The following DENND2B variants were observed in gnomAD, a reference collection of about 807,000 sequenced individuals.
DENND2B encodes the protein DENN domain-containing protein 2B.
In DENND2B, 32 loss-of-function variants were observed where a neutral mutation model predicts 116.0. The ratio of observed to expected loss-of-function variants is 0.28; its 90% CI spans 0.21 to 0.37. The LOEUF (loss-of-function observed/expected upper bound fraction) is 0.37. Among genes scored for constraint, DENND2B ranks in the 10% least tolerant of loss-of-function variants. The pLI, the probability that DENND2B is intolerant of heterozygous loss-of-function variation, is 1.00. For synonymous variants in DENND2B, 588 were observed against 583.9 expected (o/e 1.01, Z -0.10); for missense variants, 1,276 against 1,477.7 (o/e 0.86, Z 2.24).
chr11:8,750,769 C>A, intron 1 of DENND2B, 44 bp from the exon 2 acceptor site: 1 of 1,577,002 alleles, frequency 6.3e-7, no homozygotes. Context: ...CTATAGGCAG[C>A]CAAAAGCACC....
intron 1 of DENND2B, among the ~76,000 whole-genome samples, chr11:8,904,950 C>A (rs1421064739): frequency 6.6e-6 from 1 of 151,850 alleles, no homozygotes; most frequent in Non-Finnish European, 1.5e-5. Context: ...ATTCAAAAAC[C>A]CAATATTGTT....
intron 2 of DENND2B, among the ~76,000 whole-genome samples, chr11:8,748,567 C>G (rs577851217): frequency 1.3e-5 from 2 of 151,452 alleles, no homozygotes; most frequent in Non-Finnish European, 2.9e-5. Context: ...AAGGGTGTCA[C>G]TAGCCACAGA....
chr11:8,859,290 G>GT lies in DENND2B; in HGVS notation c.-249-1855dup, dbSNP rs869212087. Among the ~76,000 whole-genome samples, 117 of 136,816 alleles carry GT rather than the reference G, an allele frequency of 8.6e-4. 1 individual carries two copies. Among genetic ancestry groups the GT allele is most frequent in the South Asian group, 1.6e-3 (7 of 4,438 alleles). The allele number at this position is 136,816 out of a possible 152,430, so 89.8% of individuals were successfully genotyped here. On this transcript the variant is annotated intron_variant, in intron 2 of 6. Transcript: ENST00000524757. The stretch of plus-strand genomic sequence containing the variant: ...CATAGGGTTAGATAAACACTAACGT[G>GT]TTTTTTTGTTTGTTTGTTTGTTTGT...
intron 2 of DENND2B, among the ~76,000 whole-genome samples, chr11:8,862,182 T>TA (rs1203763354): frequency 2.6e-5 from 4 of 151,836 alleles, no homozygotes; most frequent in African/African-American, 9.7e-5. Flanking sequence ...GCTATTGAAA[T>TA]AAAAAATACA....
chr11:8,824,732 A>C (rs1297614388), intron 4 of DENND2B, among the ~76,000 whole-genome samples: 4 of 151,200 alleles, frequency 2.6e-5, no homozygotes, highest in African/African-American at 9.7e-5. Flanking sequence ...TCTGTCACCC[A>C]GTCTGGAATG....
intron 3 of DENND2B, among the ~76,000 whole-genome samples, chr11:8,855,537 G>A (rs996221676): frequency 2.0e-5 from 3 of 151,812 alleles, no homozygotes; most frequent in African/African-American, 4.8e-5. Context: ...GTGAGCCAAC[G>A]GAGCAGGCAG....
In DENND2B at chr11:8,730,829, C is replaced by T. The variant is rs1441658809; in HGVS notation, c.461G>A (p.Arg154His). The T allele has an allele frequency of 2.5e-6, 4 of 1,613,176 alleles. No individual in the cohort carries two copies. The highest frequency in any genetic ancestry group is 3.3e-5 in the Admixed American group (2 of 60,026). ...CAGGCTGTGGGCGCGGGTACCGGTA[C>T]GGGTCAGCAAGACGCCCCGGGGGCC... ...AAGPRGVLLT[R>H]TGTRAHSLGI... The change falls in exon 3 of 20, where the codon CGT becomes CAT. Residue 154 changes from arginine (R) to histidine (H), a missense_variant. Around this residue, in one of 2 missense-constraint regions of DENND2B, gnomAD observed 856 missense variants for 846.6 expected, o/e 1.01. Transcript: ENST00000313726. This position sits in a 1 kb window ranked among gnomAD's most constrained non-coding sequence, Gnocchi z 4.1.
Sources: gnomAD v4.1 joint callset for allele counts (sites outside exome capture counted in the v4.1 genomes callset) on GRCh38, gnomAD v4.1.1 for gene constraint, gnomAD v4.1.1 regional missense constraint, Gnocchi (gnomAD v3.1) non-coding constraint, MANE v1.5 for transcripts, NCBI Gene and HGNC (gene_info 2026-07-23, HGNC 2026-07-21) for gene names.